DDI2: variants seen among roughly 807,000 people sequenced by gnomAD.
The protein encoded by DDI2 is DDI proteasomal shuttling factor 2.
Under a neutral mutation model 48.1 loss-of-function variants are expected in DDI2, and 5 were observed. The ratio of observed to expected loss-of-function variants is 0.10; its 90% CI spans 0.05 to 0.22. The LOEUF is 0.22. Ranked by LOEUF, DDI2 falls within the 10% of genes least tolerant of loss-of-function variation. DDI2 has a pLI of 1.00. For missense variants in DDI2, 285 were observed against 506.2 expected, an observed-to-expected ratio of 0.56 and a Z score of 4.19; for synonymous variants, 205 against 183.6, an observed-to-expected ratio of 1.12 and a Z score of -0.94.
rs980048850 is a variant in DDI2, at chr1:15,643,516, C to T, written c.761-6C>T. ...TTTATTGTCTGATGTTTCTCTACTC[C>T]TCCAGGTGCCCAGATGACTATCATG... On this transcript the variant is annotated splice_polypyrimidine_tract_variant and splice_region_variant and intron_variant, in intron 5 of 9. Transcript: ENST00000480945. 7.4e-6 allele frequency: 12 copies of T among 1,611,024 alleles called. No homozygotes were observed. Among genetic ancestry groups the T allele is most frequent in the Non-Finnish European group, 1.0e-5 (12 of 1,178,876 alleles).
intron 9 of DDI2, among the ~76,000 whole-genome samples, chr1:15,657,377 T>C (rs191330843): frequency 2.6e-4 from 40 of 152,350 alleles, no homozygotes; most frequent in Admixed American, 2.5e-3. Context: ...TGGAATTAGA[T>C]ACATAGCATT....
At chr1:15,637,218 CT>C (rs1358663070) in intron 4 of DDI2, among the ~76,000 whole-genome samples, 1 of 151,954 alleles carries the variant, frequency 6.6e-6, no homozygotes, top group Non-Finnish European at 1.5e-5. Context: ...TTTTTGTTTT[CT>C]TTTCCTTCCT....
Position 15,665,013 on chromosome 1 carries a change from G to A in DDI2, c.*5223G>A. On this transcript the variant is annotated 3_prime_UTR_variant, in exon 10 of 10. Coordinates refer to ENST00000480945, the MANE Select transcript of DDI2 (RefSeq NM_032341.5). Reference sequence around the variant, plus strand: ...TCGGTGGCTCACACCTGTAATCCCAGCACTTTGGGAGGCCAAGGCGGGTGG... The same window carrying A: ...TCGGTGGCTCACACCTGTAATCCCAACACTTTGGGAGGCCAAGGCGGGTGG... 1 of 152,416 alleles carries A rather than the reference G, an allele frequency of 6.6e-6. No individual in the cohort carries two copies. Among genetic ancestry groups the A allele is most frequent in the African/African-American group, 2.4e-5 (1 of 41,556 alleles). The allele number at this position is 152,416 out of a possible 1,614,324, so 9.4% of individuals were successfully genotyped here. A position where few individuals can be genotyped will look rare whatever the true frequency, so the allele number is the denominator to read the frequency against.
intron 5 of DDI2, among the ~76,000 whole-genome samples, chr1:15,641,780 C>A (rs1166884204): frequency 6.6e-6 from 1 of 151,882 alleles, no homozygotes; most frequent in Non-Finnish European, 1.5e-5. Context: ...CATGCTGAAG[C>A]CCCATCTCTA....
At chr1:15,656,397 T>C in intron 8 of DDI2, 3 of 1,410,932 alleles carry the variant, frequency 2.1e-6, no homozygotes, top group Non-Finnish European at 2.8e-6. Flanking sequence ...ACAAGATCTA[T>C]TAAAAATCTG....
chr1:15,637,400 C>T (rs1410903327), intron 4 of DDI2, among the ~76,000 whole-genome samples: 1 of 152,132 alleles, frequency 6.6e-6, no homozygotes, highest in South Asian at 2.1e-4. Flanking sequence ...TTTTTGGTGT[C>T]TCGCTCTGTC....
At chr1:15,653,578 G>T (rs1183506547) in intron 8 of DDI2, among the ~76,000 whole-genome samples, 1 of 151,852 alleles carries the variant, frequency 6.6e-6, no homozygotes, top group African/African-American at 2.4e-5. Context: ...TTGAGACAAG[G>T]TCTTACTCTG....
At chr1:15,620,925 A>T (rs1330276442) in intron 1 of DDI2, among the ~76,000 whole-genome samples, 1 of 152,246 alleles carries the variant, frequency 6.6e-6, no homozygotes, top group African/African-American at 2.4e-5. Flanking sequence ...GCTGCCCTAC[A>T]TTGGTGATCA....
chr1:15,651,039 G>A (rs1457196830), intron 7 of DDI2, among the ~76,000 whole-genome samples: 2 of 151,860 alleles, frequency 1.3e-5, no homozygotes, highest in African/African-American at 2.4e-5. Context: ...ATTTGTAGTA[G>A]AGACGGGGTT....
rs1194959288 is a variant in DDI2, at chr1:15,617,682, C to G, written c.12C>G (p.Thr4=). The G allele has an allele frequency of 6.3e-7, 1 of 1,599,018 alleles. No individual in the cohort carries two copies. Among genetic ancestry groups the G allele is most frequent in the Admixed American group, 1.7e-5 (1 of 58,632 alleles). ...GTCGGGCCCGGGCCATGCTGCTCACCGTGTACTGTGTGCGGAGGGACCTCT... is the reference window on the plus strand; with the variant it reads ...GTCGGGCCCGGGCCATGCTGCTCACGGTGTACTGTGTGCGGAGGGACCTCT... MLL[T]VYCVRRDLSE... Residue 4 remains threonine (T), a synonymous_variant, in exon 1 of 10, where the codon ACC becomes ACG. Transcript: ENST00000480945.
In DDI2 at chr1:15,630,420, C is replaced by T; in HGVS notation, c.364C>T (p.Pro122Ser). 6.2e-7 allele frequency: 1 copy of T among 1,614,252 alleles called. No homozygotes were observed. The highest frequency in any genetic ancestry group is 1.1e-5 in the South Asian group (1 of 91,090). ...AGGAACACAGCAGTCCCACTCATCT[C>T]CTGGAGAAATAACTTCATCTCCTCA... ...PPGTQQSHSS[P>S]GEITSSPQGL... is the part of the protein sequence containing the mutation. The change falls in exon 3 of 10, where the codon CCT (proline) becomes TCT (serine). Residue 122 changes from proline (P) to serine (S), a missense_variant. Pro to Ser is a moderately conservative substitution (Grantham distance 74). This residue lies in a region of DDI2 where 149 missense variants were observed against 236.5 expected (regional missense o/e 0.63). Coordinates refer to ENST00000480945, the MANE Select transcript of DDI2 (RefSeq NM_032341.5).
At chr1:15,627,329 GT>G (rs754294299) in intron 2 of DDI2, among the ~76,000 whole-genome samples, 27 of 152,280 alleles carry the variant, frequency 1.8e-4, no homozygotes, top group Admixed American at 5.9e-4. Context: ...TGTCTTTAAA[GT>G]TACATAGCTA....
At chr1:15,628,572 A>G (rs895270355) in intron 2 of DDI2, among the ~76,000 whole-genome samples, 2 of 152,184 alleles carry the variant, frequency 1.3e-5, no homozygotes, top group Admixed American at 1.3e-4. Flanking sequence ...AGTTATCCTT[A>G]AGAAAAGTAT....
At chr1:15,622,432 A>G (rs978177239) in intron 1 of DDI2, among the ~76,000 whole-genome samples, 18 of 152,126 alleles carry the variant, frequency 1.2e-4, no homozygotes, top group African/African-American at 4.3e-4. Context: ...AAAAGTTCTG[A>G]AGTTTTATTA....
At chr1:15,639,754 TC>T (rs1332520743) in intron 5 of DDI2, among the ~76,000 whole-genome samples, 5 of 152,148 alleles carry the variant, frequency 3.3e-5, no homozygotes, top group African/African-American at 1.2e-4. Flanking sequence ...TACCTGTAAT[TC>T]CAGCATTTTG....
chr1:15,650,225 G>A (rs1042645980), intron 7 of DDI2, among the ~76,000 whole-genome samples: 1 of 152,188 alleles, frequency 6.6e-6, no homozygotes, highest in Non-Finnish European at 1.5e-5. Flanking sequence ...GTTAAGGAAG[G>A]TATATGTTGG....
Position 15,661,462 on chromosome 1 carries a change from G to A in DDI2, c.*1672G>A. The stretch of plus-strand genomic sequence containing the variant: ...CTTAGGTCAGGGCATACAGAATTCA[G>A]TAACAGACAGGCCTGAAACCAGAGA... On this transcript the variant is annotated 3_prime_UTR_variant, in exon 10 of 10. Coordinates refer to ENST00000480945, the MANE Select transcript of DDI2 (RefSeq NM_032341.5). 1 of 1,614,026 alleles carries A rather than the reference G, an allele frequency of 6.2e-7. No homozygotes were observed. The highest frequency in any genetic ancestry group is 8.5e-7 in the Non-Finnish European group (1 of 1,179,902).
intron 4 of DDI2, among the ~76,000 whole-genome samples, chr1:15,637,634 T>C (rs1570976468): frequency 6.6e-6 from 1 of 152,194 alleles, no homozygotes; most frequent in Admixed American, 6.5e-5. Context: ...TCCCAAAGTG[T>C]TGGGATTACA....
rs956011376 is a variant in DDI2, at chr1:15,665,720, T to C, written c.*5930T>C. ...ATGGTGGCTTTTATCCCGCCACATA[T>C]ATAAATATATATATATATAGCAAAC... On this transcript the variant is annotated 3_prime_UTR_variant, in exon 10 of 10. Transcript: ENST00000480945. 2.6e-5 allele frequency: 4 copies of C among 152,092 alleles called. No homozygotes were observed. Among genetic ancestry groups the C allele is most frequent in the African/African-American group, 7.2e-5 (3 of 41,386 alleles). The allele number at this position is 152,092 out of a possible 1,614,324, so 9.4% of individuals were successfully genotyped here.
Sources: gnomAD v4.1 joint callset for allele counts (sites outside exome capture counted in the v4.1 genomes callset) on GRCh38, gnomAD v4.1.1 for gene constraint, gnomAD v4.1.1 regional missense constraint, MANE v1.5 for transcripts, NCBI Gene and HGNC (gene_info 2026-07-23, HGNC 2026-07-21) for gene names.